The following UNC13C variants were observed in gnomAD, a reference collection of about 807,000 sequenced individuals.
UNC13C encodes the protein unc-13 homolog C.
Under a neutral mutation model 245.4 loss-of-function variants are expected in UNC13C, and 174 were observed. The observed-to-expected ratio is 0.71, with a 90% CI of 0.63 to 0.80. UNC13C has a LOEUF of 0.80. Among genes scored for constraint, UNC13C ranks in the 30% least tolerant of loss-of-function variants. UNC13C has a pLI of 0.00. For synonymous variants in UNC13C, 992 were observed against 895.1 expected, an observed-to-expected ratio of 1.11 and a Z score of -1.93; for missense variants, 2,829 against 2,602.9, an observed-to-expected ratio of 1.09 and a Z score of -1.89.
intron 2 of UNC13C, among the ~76,000 whole-genome samples, chr15:54,017,480 G>A (rs1308835270): frequency 7.2e-6 from 1 of 138,436 alleles, no homozygotes; most frequent in African/African-American, 2.8e-5. Flanking sequence ...AGAAGTGCAT[G>A]AGCATGTGTG....
chr15:54,409,953 T>A (rs1443830774), intron 18 of UNC13C, among the ~76,000 whole-genome samples: 1 of 152,246 alleles, frequency 6.6e-6, no homozygotes, highest in East Asian at 1.9e-4. Context: ...ATCTCCAAAC[T>A]GTTTTCCACA....
At chr15:54,452,528 G>C (rs1223833427) in intron 19 of UNC13C, among the ~76,000 whole-genome samples, 1 of 152,208 alleles carries the variant, frequency 6.6e-6, no homozygotes, top group Non-Finnish European at 1.5e-5. Flanking sequence ...AGGTGCAAAT[G>C]CTGGTGGATA....
intron 26 of UNC13C, among the ~76,000 whole-genome samples, chr15:54,534,159 A>C (rs1227938438): frequency 5.3e-5 from 8 of 152,124 alleles, no homozygotes. Context: ...TTTGGCCAGC[A>C]CTCTCCATCA....
chr15:54,278,731 C>A (rs2036899679), intron 10 of UNC13C, among the ~76,000 whole-genome samples: 1 of 152,064 alleles, frequency 6.6e-6, no homozygotes, highest in Admixed American at 6.6e-5. Flanking sequence ...CTTCATCATG[C>A]AGAACTGGTC....
intron 8 of UNC13C, 118 bp from the exon 9 acceptor site, chr15:54,264,050 G>C (rs2036491946): frequency 2.0e-6 from 2 of 977,770 alleles, no homozygotes; most frequent in East Asian, 5.3e-5. Flanking sequence ...AAAGCCACCT[G>C]ACTCCACAGA....
chr15:54,206,518 A>G (rs1031332828), intron 4 of UNC13C, among the ~76,000 whole-genome samples: 2 of 152,130 alleles, frequency 1.3e-5, no homozygotes, highest in African/African-American at 4.8e-5. Context: ...TTATTACAGA[A>G]TGAACCATTA....
At chr15:54,463,129 G>T (rs1446706713) in intron 19 of UNC13C, among the ~76,000 whole-genome samples, 1 of 151,570 alleles carries the variant, frequency 6.6e-6, no homozygotes, top group Non-Finnish European at 1.5e-5. Flanking sequence ...GATTGTAAAT[G>T]CACCACTCAG....
intron 2 of UNC13C, among the ~76,000 whole-genome samples, chr15:54,074,610 G>T (rs557309455): frequency 1.3e-5 from 2 of 152,230 alleles, no homozygotes; most frequent in South Asian, 2.1e-4. Flanking sequence ...CTTGTAAGTT[G>T]TATTCCTAGG....
At chr15:54,183,321 C>G (rs1039488450) in intron 4 of UNC13C, among the ~76,000 whole-genome samples, 4 of 150,942 alleles carry the variant, frequency 2.7e-5, no homozygotes, top group Non-Finnish European at 4.4e-5. Flanking sequence ...AATGCTGGCA[C>G]AATAACTACT....
the UNC13C span, among the ~76,000 whole-genome samples, chr15:53,907,387 A>G: frequency 6.6e-6 from 1 of 152,224 alleles, no homozygotes; most frequent in Non-Finnish European, 1.5e-5. Flanking sequence ...TTTTTGAAAT[A>G]AATATTTTTA....
intron 17 of UNC13C, among the ~76,000 whole-genome samples, chr15:54,383,868 T>A (rs1252450360): frequency 6.6e-6 from 1 of 151,952 alleles, no homozygotes. Context: ...TATCCACCAA[T>A]AATGGCATAG....
At chr15:54,193,591 C>T (rs1276997188) in intron 4 of UNC13C, among the ~76,000 whole-genome samples, 1 of 152,142 alleles carries the variant, frequency 6.6e-6, no homozygotes, top group Non-Finnish European at 1.5e-5. Flanking sequence ...ACTCACACCC[C>T]CAGCCCTTCA....
chr15:53,924,133 G>A, the UNC13C span, among the ~76,000 whole-genome samples: 1 of 150,476 alleles, frequency 6.6e-6, no homozygotes, highest in African/African-American at 2.5e-5. Context: ...CTTGAACCCA[G>A]GAGACGGAGG....
chr15:54,381,076 T>G (rs1425121510), intron 17 of UNC13C, among the ~76,000 whole-genome samples: 1 of 152,168 alleles, frequency 6.6e-6, no homozygotes, highest in Admixed American at 6.6e-5. Context: ...TTTCTTTTAG[T>G]GATTTAATAG....
At chr15:53,864,673 C>T in the UNC13C span, among the ~76,000 whole-genome samples, 3 of 152,028 alleles carry the variant, frequency 2.0e-5, no homozygotes, top group African/African-American at 4.8e-5. Flanking sequence ...CTGAAGAAAC[C>T]GATAGTATTT....
Position 54,015,743 on chromosome 15 carries a change from TAAGAG to T in UNC13C, c.2845_2849del (p.Glu949Ter), listed in dbSNP as rs754596134. On this transcript the variant is annotated frameshift_variant, in exon 2 of 33. Transcript: ENST00000260323. LOFTEE classifies it high-confidence loss of function. ...AATGAAACATCAGCTGAGATGGAAA[TAAGAG>T]AAGATGAAAACCAAAACATTCCTGA... 6.2e-7 allele frequency: 1 copy of T among 1,613,220 alleles called. No homozygotes were observed. The highest frequency in any genetic ancestry group is 8.5e-7 in the Non-Finnish European group (1 of 1,179,568).
chr15:54,142,301 C>T (rs146129368), intron 2 of UNC13C, among the ~76,000 whole-genome samples: 70 of 152,260 alleles, frequency 4.6e-4, no homozygotes, highest in African/African-American at 1.7e-3. Context: ...ACCAAGCACC[C>T]TTCACTGTTC....
intron 10 of UNC13C, among the ~76,000 whole-genome samples, chr15:54,269,467 A>C (rs114192632): frequency 0.015 from 2,224 of 151,938 alleles, 44 homozygotes; most frequent in African/African-American, 0.052. Flanking sequence ...ATATTGATCC[A>C]GTTGTAATCA....
At chr15:54,193,292 A>G (rs76477152) in intron 4 of UNC13C, among the ~76,000 whole-genome samples, 2 of 152,212 alleles carry the variant, frequency 1.3e-5, no homozygotes, top group Non-Finnish European at 2.9e-5. Context: ...ACTTATGACC[A>G]TGTGATATGC....
Sources: allele counts gnomAD v4.1 joint callset (sites outside exome capture counted in the v4.1 genomes callset), GRCh38; gene constraint gnomAD v4.1.1; transcripts MANE v1.5; gene names NCBI Gene and HGNC (gene_info 2026-07-23, HGNC 2026-07-21).